SERINC1: variants seen among roughly 807,000 people sequenced by gnomAD.
SERINC1 encodes the protein tumor differentially expressed protein 2.
SERINC1 carries 38 observed loss-of-function variants against 52.9 expected under a neutral mutation model. The observed-to-expected ratio is 0.72, with a 90% CI of 0.55 to 0.94. The LOEUF is 0.94. SERINC1 is among the 40% of genes least tolerant of loss of function. The pLI is 0.00. For missense variants in SERINC1, 471 were observed against 533.9 expected, an observed-to-expected ratio of 0.88 and a Z score of 1.16; for synonymous variants, 198 against 183.1, an observed-to-expected ratio of 1.08 and a Z score of -0.66.
intron 1 of SERINC1, among the ~76,000 whole-genome samples, chr6:122,464,838 A>T (rs1775160045): frequency 6.6e-6 from 1 of 152,198 alleles, no homozygotes; most frequent in African/African-American, 2.4e-5. Context: ...AAACTGTAAC[A>T]ACTACCAGAA....
In SERINC1 at chr6:122,453,762, A is replaced by T; in HGVS notation, c.589+8T>A. ...CTATACTGAAGTTGTTCTGCGACGAAAGCTTACCTGCATACCAACATCTCG... is the reference window on the plus strand; with the variant it reads ...CTATACTGAAGTTGTTCTGCGACGATAGCTTACCTGCATACCAACATCTCG... On this transcript the variant is annotated splice_region_variant and intron_variant, in intron 5 of 9. Transcript: ENST00000339697. 1.3e-6 allele frequency: 2 copies of T among 1,591,078 alleles called. No homozygotes were observed. Among genetic ancestry groups the T allele is most frequent in the Non-Finnish European group, 1.7e-6 (2 of 1,164,862 alleles).
At position 122,453,806 on chromosome 6, in the gene SERINC1, T is replaced by G; in HGVS notation, c.553A>C (p.Lys185Gln). The change falls in exon 5 of 10, where the codon AAA becomes CAA. Residue 185 changes from lysine (K) to glutamine (Q), a missense_variant. Lys to Gln is a moderately conservative substitution (Grantham distance 53, BLOSUM62 1). Coordinates refer to ENST00000339697, the MANE Select transcript of SERINC1 (RefSeq NM_020755.4). ...AHSWNESWVEKMEEGNSRCWY... is the reference protein window; with the variant it reads ...AHSWNESWVEQMEEGNSRCWY... ...CATCTCGAGTTCCCTTCTTCCATTT[T>G]TTCAACCCACGATTCATTCCATGAA... 6.2e-7 allele frequency: 1 copy of G among 1,608,598 alleles called. No homozygotes were observed. The highest frequency in any genetic ancestry group is 8.5e-7 in the Non-Finnish European group (1 of 1,176,250).
intron 1 of SERINC1, among the ~76,000 whole-genome samples, chr6:122,469,861 G>A (rs1032885932): frequency 6.6e-6 from 1 of 152,066 alleles, no homozygotes; most frequent in African/African-American, 2.4e-5. Flanking sequence ...CAGGCTCTGA[G>A]TGTTACTTTT....
rs547946303 is a variant in SERINC1, at chr6:122,462,893, T to C, written c.40-4212A>G. Among the ~76,000 whole-genome samples, 33 of 152,314 alleles carry C rather than the reference T, an allele frequency of 2.2e-4. No homozygotes were observed. The South Asian group carries it at 6.6e-3, about 31-fold the overall frequency. On this transcript the variant is annotated intron_variant, in intron 1 of 9. Coordinates refer to ENST00000339697, the MANE Select transcript of SERINC1 (RefSeq NM_020755.4). ...TTGGAAGACAATTATTTTCAAGATA[T>C]CAGGTCTTTCCAAACTTATCTATAG...
chr6:122,452,773 CA>C (rs78019346), intron 5 of SERINC1, among the ~76,000 whole-genome samples: 13,620 of 152,182 alleles, frequency 0.089, 745 homozygotes, highest in South Asian at 0.15. Context: ...TTAGACTTTG[CA>C]TTTAGAGAAC....
intron 7 of SERINC1, among the ~76,000 whole-genome samples, chr6:122,448,562 T>TATAATAAGATAATTGG (rs1774848453): frequency 6.6e-6 from 1 of 152,124 alleles, no homozygotes; most frequent in East Asian, 1.9e-4. Flanking sequence ...TATAATAAGA[T>TATAATAAGATAATTGG]GCATTACAAA....
rs1018401791 is a variant in SERINC1 at position 122,447,377 on chromosome 6, T to A, written c.851-112A>T. ...CCCCTGCAAATTGAGAAACAATTGC[T>A]GGAAAAGGCATCAGTATAACAAAAA... is the stretch of plus-strand genomic sequence containing the variant. On this transcript the variant is annotated intron_variant, in intron 7 of 9. Transcript: ENST00000339697. The A allele has an allele frequency of 6.8e-6, 5 of 737,890 alleles. No homozygotes were observed. In the African/African-American group the frequency reaches 8.8e-5, roughly 13 times the overall value. 45.7% of individuals were successfully genotyped at this position (737,890 alleles called of 1,614,324 possible).
Position 122,465,747 on chromosome 6 carries a change from G to C in SERINC1, c.39+5952C>G, listed in dbSNP as rs531196675. Among the ~76,000 whole-genome samples, 6 of 152,276 alleles carry C rather than the reference G, an allele frequency of 3.9e-5. No individual in the cohort carries two copies. In the South Asian group the frequency reaches 1.0e-3, roughly 26 times the overall value. On this transcript the variant is annotated intron_variant, in intron 1 of 9. Transcript: ENST00000339697. ...GGAAAACACTAAGATCAATGAAAGT[G>C]GGAGGAGTGGATAGGAGAAACTTGA...
chr6:122,457,842 C>A (rs1005449486), intron 2 of SERINC1, among the ~76,000 whole-genome samples: 4 of 150,646 alleles, frequency 2.7e-5, no homozygotes, highest in African/African-American at 4.9e-5. Flanking sequence ...CGATACAATA[C>A]CACCAAGTCA....
chr6:122,460,871 G>A (rs747852517), intron 1 of SERINC1, among the ~76,000 whole-genome samples: 21 of 152,080 alleles, frequency 1.4e-4, no homozygotes, highest in Non-Finnish European at 2.4e-4. Context: ...ATAATGTTAC[G>A]GACAGACATG....
At chr6:122,452,249 A>G (rs775956617) in intron 5 of SERINC1, among the ~76,000 whole-genome samples, 192 bp from the exon 6 acceptor site, 1 of 152,206 alleles carries the variant, frequency 6.6e-6, no homozygotes, top group Non-Finnish European at 1.5e-5. Context: ...GAAGAATTCT[A>G]GTTTTTACAC....
intron 2 of SERINC1, 90 bp downstream of exon 2, chr6:122,458,430 T>C (rs1775038955): frequency 2.4e-6 from 2 of 834,920 alleles, no homozygotes; most frequent in East Asian, 5.0e-5. Context: ...TTCTATATTA[T>C]TCTGTTTACA....
At chr6:122,453,353 G>A (rs548535322) in intron 5 of SERINC1, among the ~76,000 whole-genome samples, 1 of 152,038 alleles carries the variant, frequency 6.6e-6, no homozygotes, top group Non-Finnish European at 1.5e-5. Context: ...TAAAACATCC[G>A]AGTTGCTTTT....
intron 9 of SERINC1, among the ~76,000 whole-genome samples, chr6:122,445,946 TA>T (rs1424805102): frequency 6.7e-6 from 1 of 149,658 alleles, no homozygotes; most frequent in African/African-American, 2.5e-5. Flanking sequence ...GTGTAAGAAT[TA>T]AAAAATATAT....
In SERINC1 at chr6:122,457,929, T is replaced by C. The variant is rs1197182258; in HGVS notation, c.201+591A>G. On this transcript the variant is annotated intron_variant, in intron 2 of 9. Coordinates refer to ENST00000339697, the MANE Select transcript of SERINC1 (RefSeq NM_020755.4). Reference sequence around the variant, plus strand: ...GACTCTCTCTAAAAATTTTCCTTTCTAGGTTAATAGCAATACTTTCCTCCC... The same window carrying C: ...GACTCTCTCTAAAAATTTTCCTTTCCAGGTTAATAGCAATACTTTCCTCCC... 2.0e-5 allele frequency among the ~76,000 whole-genome samples: 3 copies of C among 152,086 alleles called. No homozygotes were observed. In the East Asian group the frequency reaches 5.8e-4, roughly 29 times the overall value.
chr6:122,469,765 A>T (rs1056900101), intron 1 of SERINC1, among the ~76,000 whole-genome samples: 1 of 151,752 alleles, frequency 6.6e-6, no homozygotes, highest in Non-Finnish European at 1.5e-5. Flanking sequence ...CACCATATTG[A>T]CCAGGCGGTC....
intron 3 of SERINC1, among the ~76,000 whole-genome samples, chr6:122,456,225 C>A (rs563682944): frequency 6.6e-6 from 1 of 152,138 alleles, no homozygotes; most frequent in Admixed American, 6.6e-5. Flanking sequence ...CCTTAGTAGT[C>A]ACAAATATAA....
At chr6:122,454,386 G>A (rs753575205) in intron 3 of SERINC1, 156 bp from the exon 4 acceptor site, 1 of 558,486 alleles carries the variant, frequency 1.8e-6, no homozygotes. Context: ...AGCCATATTT[G>A]TAACTACAAA....
chr6:122,447,434 A>G (rs965905230), intron 7 of SERINC1, among the ~76,000 whole-genome samples, 169 bp from the exon 8 acceptor site: 1 of 152,232 alleles, frequency 6.6e-6, no homozygotes, highest in Non-Finnish European at 1.5e-5. Context: ...TATTAATAAG[A>G]CCTTTGAAGT....
Sources: gnomAD v4.1 joint callset for allele counts (sites outside exome capture counted in the v4.1 genomes callset) on GRCh38, gnomAD v4.1.1 for gene constraint, MANE v1.5 for transcripts, NCBI Gene and HGNC (gene_info 2026-07-23, HGNC 2026-07-21) for gene names.